The following BOLL variants were observed in gnomAD, a reference collection of about 807,000 sequenced individuals.
BOLL encodes the protein protein boule-like.
A neutral mutation model predicts 44.4 loss-of-function variants in BOLL; 23 were observed. The ratio of observed to expected loss-of-function variants is 0.52; its 90% confidence interval spans 0.37 to 0.73. The LOEUF (loss-of-function observed/expected upper bound fraction) is 0.73, where lower values mean the gene tolerates loss of function less well. Among genes scored for constraint, BOLL ranks in the 30% least tolerant of loss-of-function variants. BOLL has a pLI of 0.00. For missense variants in BOLL, 287 were observed against 338.3 expected (o/e 0.85, Z 1.19); for synonymous variants, 97 against 110.8 (o/e 0.88, Z 0.78).
At chr2:197,777,582 A>G (rs1188707914) in intron 3 of BOLL, among the ~76,000 whole-genome samples, 2 of 151,954 alleles carry the variant, frequency 1.3e-5, no homozygotes, top group Non-Finnish European at 2.9e-5. Context: ...TAGCACATAT[A>G]ACTGATAATG....
chr2:197,770,061 G>T (rs1408052345), intron 6 of BOLL, among the ~76,000 whole-genome samples: 2 of 152,110 alleles, frequency 1.3e-5, no homozygotes, highest in Non-Finnish European at 2.9e-5. Context: ...TAAGCAAAAA[G>T]AACAAAGCTG....
At chr2:197,740,170 G>A (rs1386145500) in intron 10 of BOLL, among the ~76,000 whole-genome samples, 1 of 152,134 alleles carries the variant, frequency 6.6e-6, no homozygotes, top group East Asian at 1.9e-4. Context: ...GAGTGGTAAT[G>A]GTGTGAAGGG....
chr2:197,753,056 G>T (rs1028840279), intron 9 of BOLL, among the ~76,000 whole-genome samples: 17 of 152,182 alleles, frequency 1.1e-4, no homozygotes, highest in Non-Finnish European at 1.8e-4. Context: ...AATGGGGAAA[G>T]GATTCCCTAT....
At chr2:197,744,153 T>A (rs1270132173) in intron 9 of BOLL, among the ~76,000 whole-genome samples, 1 of 152,218 alleles carries the variant, frequency 6.6e-6, no homozygotes, top group African/African-American at 2.4e-5. Flanking sequence ...GTATGTATTT[T>A]ACACTTAGGG....
At chr2:197,742,179 G>A (rs1242336893) in intron 10 of BOLL, among the ~76,000 whole-genome samples, 1 of 152,186 alleles carries the variant, frequency 6.6e-6, no homozygotes, top group Non-Finnish European at 1.5e-5. Flanking sequence ...TGCTGGAGAG[G>A]ATGTGGAGAA....
intron 9 of BOLL, among the ~76,000 whole-genome samples, chr2:197,747,819 C>T (rs934306913): frequency 5.3e-5 from 8 of 152,098 alleles, no homozygotes; most frequent in African/African-American, 1.9e-4. Flanking sequence ...GGTACAAAAA[C>T]ACAGACCAAT....
rs181178368 is a variant in BOLL, at chr2:197,755,286, A to G, written c.729+1142T>C. On this transcript the variant is annotated intron_variant, in intron 9 of 10. Coordinates refer to ENST00000392296, the MANE Select transcript of BOLL (RefSeq NM_033030.6). ...TGGAGAAACAGGAACGCTTTTTTAC[A>G]CTGTTGGTGGAAATGTAAATTAGTT... Among the ~76,000 whole-genome samples, 5 of 152,348 alleles carry G rather than the reference A, an allele frequency of 3.3e-5. No individual in the cohort carries two copies. The East Asian group carries it at 9.6e-4, about 29-fold the overall frequency.
chr2:197,757,500 A>G, intron 7 of BOLL, 100 bp from the exon 8 acceptor site: 2 of 956,078 alleles, frequency 2.1e-6, no homozygotes. Flanking sequence ...CCCTCACACC[A>G]TATACAAAAA....
rs568353210 is a variant in BOLL, at chr2:197,728,788, T to A, written c.829-210A>T. Among the ~76,000 whole-genome samples, 6 of 152,342 alleles carry A rather than the reference T, an allele frequency of 3.9e-5. No homozygotes were observed. The East Asian group carries it at 1.2e-3, about 29-fold the overall frequency. On this transcript the variant is annotated intron_variant, in intron 10 of 10. Transcript: ENST00000392296. ...ACCTGCTCTCTGAGAGCTTAGAATC[T>A]ATATTAGACAATCTCTAGTCTAGTG... is the stretch of plus-strand genomic sequence containing the variant.
chr2:197,779,043 T>A lies in BOLL; in HGVS notation c.153A>T (p.Lys51Asn), dbSNP rs1167355957. The A allele has an allele frequency of 4.3e-6, 7 of 1,610,508 alleles. No homozygotes were observed. The African/African-American group carries it at 9.4e-5, about 22-fold the overall frequency. ...TCACAGACCCATACTGGGAAAAAAA[T>A]TTTCTTAAATCACTTTCGTTTGTCT... The part of the protein sequence containing the change: ...DFKTNESDLR[K>N]FFSQYGSVKE... The change falls in exon 3 of 11, where the codon AAA becomes AAT. Residue 51 changes from lysine to asparagine, a missense_variant. Coordinates refer to ENST00000392296, the MANE Select transcript of BOLL (RefSeq NM_033030.6).
chr2:197,754,922 C>CT (rs1271863160), intron 9 of BOLL, among the ~76,000 whole-genome samples: 1 of 152,098 alleles, frequency 6.6e-6, no homozygotes. Flanking sequence ...TAAAGAGCTT[C>CT]TGCTCAGCAA....
rs1391397080 is a variant in BOLL at position 197,777,099 on chromosome 2, G to T, written c.236C>A (p.Thr79Asn). The T allele has an allele frequency of 6.4e-7, 1 of 1,566,594 alleles. No individual in the cohort carries two copies. Among genetic ancestry groups the T allele is most frequent in the Non-Finnish European group, 8.7e-7 (1 of 1,146,902 alleles). Residue 79 changes from threonine (T) to asparagine (N), a missense_variant, in exon 4 of 11, where the codon ACT (threonine) becomes AAT (asparagine). Transcript: ENST00000392296. ...TTGTGCATCTTCTTGTGTTTCAAAAGTGACGAAACCATACCTAAATAAATG... is the reference window on the plus strand; with the variant it reads ...TTGTGCATCTTCTTGTGTTTCAAAATTGACGAAACCATACCTAAATAAATG... ...AGVSKGYGFVTFETQEDAQKI... is the reference protein window; with the variant it reads ...AGVSKGYGFVNFETQEDAQKI...
At chr2:197,773,930 T>C in intron 5 of BOLL, 2 of 379,076 alleles carry the variant, frequency 5.3e-6, no homozygotes, top group Middle Eastern at 4.3e-4. Flanking sequence ...GTAATGGAGA[T>C]GGAAAGAAAT....
intron 7 of BOLL, among the ~76,000 whole-genome samples, chr2:197,760,908 C>T (rs1688726482): frequency 6.6e-6 from 1 of 152,192 alleles, no homozygotes; most frequent in Middle Eastern, 3.4e-3. Flanking sequence ...TAGCAGAAAT[C>T]TTACCAGGGA....
chr2:197,751,183 C>T (rs868088567), intron 9 of BOLL, among the ~76,000 whole-genome samples: 80 of 152,180 alleles, frequency 5.3e-4, no homozygotes, highest in African/African-American at 1.9e-3. Flanking sequence ...TAAATGCCCA[C>T]AGAAGAAAGA....
chr2:197,730,617 G>T (rs1360369661), intron 10 of BOLL, among the ~76,000 whole-genome samples: 2 of 148,452 alleles, frequency 1.3e-5, no homozygotes, highest in African/African-American at 2.5e-5. Context: ...CGGATCTCTC[G>T]GCAGAAACCC....
chr2:197,736,358 TA>T (rs1388701425), intron 10 of BOLL, among the ~76,000 whole-genome samples: 1 of 152,082 alleles, frequency 6.6e-6, no homozygotes, highest in Non-Finnish European at 1.5e-5. Flanking sequence ...TGGTGGAGAA[TA>T]AGGAGACATG....
chr2:197,743,503 C>G (rs1037812460), intron 9 of BOLL, among the ~76,000 whole-genome samples: 1 of 151,998 alleles, frequency 6.6e-6, no homozygotes, highest in African/African-American at 2.4e-5. Flanking sequence ...ACAAGGAAAG[C>G]TTAATATTCA....
chr2:197,752,304 A>G lies in BOLL; in HGVS notation c.729+4124T>C, dbSNP rs184131657. Among the ~76,000 whole-genome samples, 192 of 152,346 alleles carry G rather than the reference A, an allele frequency of 1.3e-3. 1 individual carries two copies. The highest frequency in any genetic ancestry group is 2.2e-3 in the Non-Finnish European group (149 of 68,024). ...AGTATTGGAAGTTCTGGCCAGGGCAATCAGGCAAGAGAAAGAAATAAAGTG... is the reference window on the plus strand; with the variant it reads ...AGTATTGGAAGTTCTGGCCAGGGCAGTCAGGCAAGAGAAAGAAATAAAGTG... On this transcript the variant is annotated intron_variant, in intron 9 of 10. Transcript: ENST00000392296.
Sources: gnomAD v4.1 joint callset for allele counts (sites outside exome capture counted in the v4.1 genomes callset) on GRCh38, gnomAD v4.1.1 for gene constraint, MANE v1.5 for transcripts, NCBI Gene and HGNC (gene_info 2026-07-23, HGNC 2026-07-21) for gene names.